BPIFB1: variants seen among roughly 807,000 people sequenced by gnomAD.
BPIFB1 encodes the protein BPI fold containing family B member 1, also known as BPI fold-containing family B member 1.
A neutral mutation model predicts 55.1 loss-of-function variants in BPIFB1; 34 were observed. That is an observed-to-expected ratio of 0.62 (90% confidence interval 0.47 to 0.82). BPIFB1 has a LOEUF of 0.82. Ranked by LOEUF, BPIFB1 falls within the 40% of genes least tolerant of loss-of-function variation. The pLI is 0.00. For missense variants in BPIFB1, 532 were observed against 593.1 expected (o/e 0.90, Z 1.07); for synonymous variants, 236 against 245.3 (o/e 0.96, Z 0.35).
intron 10 of BPIFB1, 80 bp downstream of exon 10, chr20:33,302,492 G>C: frequency 6.8e-7 from 1 of 1,470,340 alleles, no homozygotes; most frequent in Non-Finnish European, 9.5e-7. Flanking sequence ...GAATCTAGTG[G>C]GACTAGTGTT....
intron 12 of BPIFB1, 51 bp from the exon 13 acceptor site, chr20:33,304,780 TTGAATGAGTGGATGG>T: frequency 3.1e-6 from 5 of 1,592,970 alleles, no homozygotes; most frequent in South Asian, 1.1e-5. Flanking sequence ...TAAATCGCTG[TTGAATGAGTGGATGG>T]TGAATGAGTG....
chr20:33,303,913 C>G, intron 11 of BPIFB1, 45 bp from the exon 12 acceptor site: 2 of 1,600,724 alleles, frequency 1.2e-6, no homozygotes, highest in Non-Finnish European at 8.6e-7. Context: ...ATTCCACACT[C>G]GGATCCTCTT....
At chr20:33,308,520 C>T (rs1040188991) in intron 15 of BPIFB1, among the ~76,000 whole-genome samples, 1 of 144,444 alleles carries the variant, frequency 6.9e-6, no homozygotes, top group Non-Finnish European at 1.5e-5. Flanking sequence ...ACACATACAC[C>T]TTTATACACA....
At chr20:33,306,220 C>G (rs564181312) in intron 14 of BPIFB1, among the ~76,000 whole-genome samples, 155 bp downstream of exon 14, 1 of 152,188 alleles carries the variant, frequency 6.6e-6, no homozygotes, top group Non-Finnish European at 1.5e-5. Context: ...CCTTCTCAGC[C>G]CAATTCCTTT....
intron 14 of BPIFB1, 79 bp from the exon 15 acceptor site, chr20:33,306,832 T>TTCA (rs1473391942): frequency 1.6e-6 from 2 of 1,258,576 alleles, no homozygotes; most frequent in Non-Finnish European, 2.3e-6. Flanking sequence ...GGGGCTCCCC[T>TTCA]TCAGGAACCC....
At chr20:33,293,008 G>A (rs1311076932) in intron 6 of BPIFB1, among the ~76,000 whole-genome samples, 2 of 152,194 alleles carry the variant, frequency 1.3e-5, no homozygotes, top group Non-Finnish European at 2.9e-5. Flanking sequence ...TGCAACCTCC[G>A]CCTCCCGGGT....
At chr20:33,291,825 C>A in intron 5 of BPIFB1, 82 bp from the exon 6 acceptor site, 2 of 1,329,256 alleles carry the variant, frequency 1.5e-6, no homozygotes, top group Non-Finnish European at 2.2e-6. Flanking sequence ...CCCTTAGACT[C>A]AGCCTCCCCC....
chr20:33,290,832 A>G, intron 4 of BPIFB1, 125 bp from the exon 5 acceptor site: 3 of 1,049,954 alleles, frequency 2.9e-6, no homozygotes, highest in Middle Eastern at 3.0e-4. Context: ...TTGGGTGAAG[A>G]TGAGGAGAAA....
rs763795744 is a variant in BPIFB1 at position 33,303,029 on chromosome 20, G to T, written c.1095G>T (p.Val365=). 1.5e-5 allele frequency: 24 copies of T among 1,614,054 alleles called. No individual in the cohort carries two copies. The highest frequency in any genetic ancestry group is 3.4e-6 in the Non-Finnish European group (4 of 1,180,032). ...AKVAQLIVLE[V]FPSSEALRPL... is the part of the protein sequence containing the mutation. ...TGGCCCAACTGATCGTGCTGGAAGTGTTTCCCTCCAGTGAAGCCCTCCGCC... is the reference window on the plus strand; with the variant it reads ...TGGCCCAACTGATCGTGCTGGAAGTTTTTCCCTCCAGTGAAGCCCTCCGCC... The change falls in exon 11 of 16, where the codon GTG becomes GTT. Residue 365 remains valine (V), a synonymous_variant. Coordinates refer to ENST00000253354, the MANE Select transcript of BPIFB1 (RefSeq NM_033197.3).
chr20:33,308,878 CCA>C (rs1981137418), intron 15 of BPIFB1, among the ~76,000 whole-genome samples: 1 of 150,208 alleles, frequency 6.7e-6, no homozygotes, highest in South Asian at 2.1e-4. Flanking sequence ...TACACACACA[CCA>C]CACACATACA....
intron 11 of BPIFB1, 137 bp downstream of exon 11, chr20:33,303,211 C>T (rs575887012): frequency 2.7e-6 from 3 of 1,107,312 alleles, no homozygotes; most frequent in Middle Eastern, 3.1e-4. Context: ...GAGCTCTGAA[C>T]CAAGAGCCAG....
chr20:33,285,922 C>G, intron 1 of BPIFB1, 111 bp from the exon 2 acceptor site: 2 of 638,678 alleles, frequency 3.1e-6, no homozygotes, highest in South Asian at 1.9e-5. Context: ...CTAGCCCAGG[C>G]AGTTAAACAC....
At chr20:33,291,446 C>G (rs969828026) in intron 5 of BPIFB1, among the ~76,000 whole-genome samples, 1 of 152,334 alleles carries the variant, frequency 6.6e-6, no homozygotes, top group African/African-American at 2.4e-5. Flanking sequence ...CCAACACATT[C>G]TCTTCATTTG....
chr20:33,304,062 G>A, intron 12 of BPIFB1, 37 bp downstream of exon 12: 1 of 1,573,120 alleles, frequency 6.4e-7, no homozygotes, highest in Non-Finnish European at 8.7e-7. Context: ...TCTGCTGATG[G>A]AAATGAGTCC....
intron 11 of BPIFB1, among the ~76,000 whole-genome samples, 147 bp from the exon 12 acceptor site, chr20:33,303,802 ACAGATGAGG>A (rs1980930406): frequency 6.6e-6 from 1 of 152,160 alleles, no homozygotes; most frequent in Admixed American, 6.5e-5. Flanking sequence ...ATCTCATTTA[ACAGATGAGG>A]CAGGTGAGGC....
intron 6 of BPIFB1, among the ~76,000 whole-genome samples, chr20:33,293,757 C>T (rs973945728): frequency 2.8e-4 from 42 of 152,266 alleles, no homozygotes; most frequent in African/African-American, 9.1e-4. Flanking sequence ...AGAAGGATCG[C>T]TTGAGTCTAG....
At chr20:33,295,881 GGGAAGGAA>G (rs1303141219) in intron 6 of BPIFB1, among the ~76,000 whole-genome samples, 1 of 140,042 alleles carries the variant, frequency 7.1e-6, no homozygotes, top group Admixed American at 7.3e-5. Context: ...GGATTGGGAA[GGGAAGGAA>G]GGAAAGAAGG....
chr20:33,309,715 T>C lies in BPIFB1; in HGVS notation c.1403T>C (p.Leu468Pro), dbSNP rs1341972544. The change falls in exon 16 of 16, where the codon CTT (leucine) becomes CCT (proline). Residue 468 changes from leucine to proline, a missense_variant. Physicochemically the swap from Leu to Pro is moderately conservative, Grantham distance 98. Coordinates refer to ENST00000253354, the MANE Select transcript of BPIFB1 (RefSeq NM_033197.3). The surrounding 1 kb of genome is among the most constrained non-coding windows in gnomAD (Gnocchi z 4.4). ...TTTCCCCTCCAATTCCAGGATGCCC[T>C]TGTGCTTACTCCAGCCTCCTTGTGG... is the stretch of plus-strand genomic sequence containing the variant. The part of the protein sequence containing the change: ...AAESSLTKDA[L>P]VLTPASLWKP... 1 of 1,614,114 alleles carries C rather than the reference T, an allele frequency of 6.2e-7. No homozygotes were observed. The highest frequency in any genetic ancestry group is 1.3e-5 in the African/African-American group (1 of 75,042).
chr20:33,292,116 G>T (rs905129314), intron 6 of BPIFB1, 128 bp downstream of exon 6: 1 of 857,414 alleles, frequency 1.2e-6, no homozygotes, highest in Non-Finnish European at 1.9e-6. Context: ...ATTATCTGGG[G>T]CTGGATAGCA....
Sources: gnomAD v4.1 joint callset for allele counts (sites outside exome capture counted in the v4.1 genomes callset) on GRCh38, gnomAD v4.1.1 for gene constraint, Gnocchi (gnomAD v3.1) non-coding constraint, MANE v1.5 for transcripts, NCBI Gene and HGNC (gene_info 2026-07-23, HGNC 2026-07-21) for gene names.